TEX11: variants seen among roughly 807,000 people sequenced by gnomAD.
The protein encoded by TEX11 is testis expressed 11.
Under a neutral mutation model 84.4 loss-of-function variants are expected in TEX11, and 7 were observed. That is an observed-to-expected ratio of 0.08 (90% CI 0.05 to 0.16). The LOEUF (loss-of-function observed/expected upper bound fraction) is 0.16, where lower values mean the gene tolerates loss of function less well. Ranked by LOEUF, TEX11 falls within the 10% of genes least tolerant of loss-of-function variation. TEX11 has a pLI of 1.00. For synonymous variants in TEX11, 264 were observed against 222.8 expected (o/e 1.18, Z -1.64); for missense variants, 551 against 660.5 (o/e 0.83, Z 1.82).
chrX:70,698,607 G>C (rs5936582), intron 13 of TEX11, among the ~76,000 whole-genome samples: 45,760 of 108,339 alleles, frequency 0.42, 8,287 homozygotes, highest in East Asian at 0.58. Flanking sequence ...GATGATCCTA[G>C]AGGAACTGCA....
chrX:70,680,578 TTA>T (rs1491272381), intron 14 of TEX11, among the ~76,000 whole-genome samples: 9 of 20,544 alleles, frequency 4.4e-4, no homozygotes, highest in Non-Finnish European at 1.8e-3. Flanking sequence ...GAATGATCAA[TTA>T]AAAAAAAAAA....
intron 16 of TEX11, among the ~76,000 whole-genome samples, chrX:70,657,923 T>G (rs1177038629): frequency 2.3e-5 from 1 of 43,267 alleles, no homozygotes; most frequent in Non-Finnish European, 3.9e-5. Context: ...TGGGGACTGT[T>G]GTGGGGTGGG....
At chrX:70,546,487 T>C (rs1395135021) in intron 28 of TEX11, among the ~76,000 whole-genome samples, 2 of 110,954 alleles carry the variant, frequency 1.8e-5, no homozygotes, top group South Asian at 3.8e-4. Context: ...TACTTACAAA[T>C]CACATATCTG....
At chrX:70,621,577 TAAATAAAA>T (rs2089394490) in intron 20 of TEX11, among the ~76,000 whole-genome samples, 1 of 56,585 alleles carries the variant, frequency 1.8e-5, no homozygotes, top group African/African-American at 7.6e-5. Flanking sequence ...TATATATATA[TAAATAAAA>T]ATAAAATATT....
chrX:70,526,334 C>T (rs941264054), downstream of TEX11, among the ~76,000 whole-genome samples: 1 of 110,756 alleles, frequency 9.0e-6, no homozygotes, highest in African/African-American at 3.3e-5. Context: ...TTTGGGAGGC[C>T]GAGGTGGGTG....
chrX:70,681,013 C>T (rs751771594), intron 14 of TEX11, among the ~76,000 whole-genome samples: 2 of 112,937 alleles, frequency 1.8e-5, no homozygotes, highest in East Asian at 5.5e-4. Flanking sequence ...TACACATAAA[C>T]TTTATTACTT....
At chrX:70,885,536 A>G (rs1338166416) in intron 2 of TEX11, among the ~76,000 whole-genome samples, 1 of 111,648 alleles carries the variant, frequency 9.0e-6, no homozygotes, top group Non-Finnish European at 1.9e-5. Context: ...GGAAATGCAA[A>G]CTAAAATTTA....
intron 14 of TEX11, among the ~76,000 whole-genome samples, chrX:70,679,237 C>T (rs1341475422): frequency 8.9e-6 from 1 of 112,088 alleles, no homozygotes; most frequent in Non-Finnish European, 1.9e-5. Context: ...TCATTCACTC[C>T]GTGCTCAATG....
intron 7 of TEX11, among the ~76,000 whole-genome samples, chrX:70,852,768 T>A (rs1210331552): frequency 9.0e-6 from 1 of 111,666 alleles, no homozygotes; most frequent in African/African-American, 3.3e-5. Flanking sequence ...TAGGGATTGC[T>A]GCCATAAATA....
chrX:70,788,973 T>TATATAGAG (rs1211700739), intron 9 of TEX11, among the ~76,000 whole-genome samples: 5 of 9,556 alleles, frequency 5.2e-4, no homozygotes, highest in Non-Finnish European at 7.2e-4. Context: ...TATATATATA[T>TATATAGAG]AGAGAGAGAG....
At chrX:70,635,677 C>A (rs904562094) in intron 17 of TEX11, among the ~76,000 whole-genome samples, 1 of 111,690 alleles carries the variant, frequency 9.0e-6, no homozygotes, top group African/African-American at 3.3e-5. Flanking sequence ...ACTAGGCCAG[C>A]CCCACAGCCC....
the TEX11 span, among the ~76,000 whole-genome samples, chrX:70,519,820 ACT>A: frequency 1.8e-5 from 2 of 110,511 alleles, no homozygotes; most frequent in African/African-American, 6.6e-5. Flanking sequence ...GTTTCTTTTT[ACT>A]CTTTTTTCTC....
intron 2 of TEX11, among the ~76,000 whole-genome samples, chrX:70,897,745 AAG>A (rs2091781427): frequency 9.1e-6 from 1 of 110,249 alleles, no homozygotes; most frequent in Non-Finnish European, 1.9e-5. Flanking sequence ...GAAAAGAGAC[AAG>A]AGTTATTTTA....
intron 13 of TEX11, among the ~76,000 whole-genome samples, chrX:70,710,125 A>G (rs1467595775): frequency 9.1e-6 from 1 of 110,448 alleles, no homozygotes; most frequent in Admixed American, 9.7e-5. Context: ...ATCAGCATCA[A>G]AAAAAAAGGG....
intron 11 of TEX11, among the ~76,000 whole-genome samples, chrX:70,731,233 A>G (rs928098968): frequency 3.6e-5 from 4 of 111,751 alleles, no homozygotes; most frequent in African/African-American, 1.3e-4. Flanking sequence ...CTAGCATCAC[A>G]ATTAAAAGAA....
chrX:70,874,483 C>A (rs993376090), intron 3 of TEX11, among the ~76,000 whole-genome samples: 1 of 97,920 alleles, frequency 1.0e-5, no homozygotes, highest in African/African-American at 3.7e-5. Flanking sequence ...CTCACTGCAA[C>A]CACCACCTCC....
intron 17 of TEX11, among the ~76,000 whole-genome samples, chrX:70,643,635 A>T (rs750849865): frequency 0.02 from 2,204 of 109,217 alleles, 46 homozygotes; most frequent in African/African-American, 0.071. Context: ...CAACTCTCTG[A>T]TCTTTGACAA....
intron 2 of TEX11, among the ~76,000 whole-genome samples, chrX:70,898,398 G>A (rs2091784687): frequency 2.7e-5 from 3 of 111,108 alleles, no homozygotes; most frequent in Admixed American, 9.7e-5. Flanking sequence ...AGATTTCCAG[G>A]CAGATACTGA....
At chrX:70,555,373 T>G (rs1256153958) in intron 25 of TEX11, among the ~76,000 whole-genome samples, 1 of 112,346 alleles carries the variant, frequency 8.9e-6, no homozygotes, top group Non-Finnish European at 1.9e-5. Context: ...CTTGGTAGAT[T>G]GAACATTGAA....
Sources: gnomAD v4.1 joint callset for allele counts (sites outside exome capture counted in the v4.1 genomes callset) on GRCh38, gnomAD v4.1.1 for gene constraint, MANE v1.5 for transcripts, NCBI Gene and HGNC (gene_info 2026-07-23, HGNC 2026-07-21) for gene names.